Variants in TTC8 observed in about 807,000 individuals in gnomAD.
The protein encoded by TTC8 is tetratricopeptide repeat protein 8.
A neutral mutation model predicts 72.5 loss-of-function variants in TTC8; 47 were observed. The observed-to-expected ratio is 0.65, with a 90% CI of 0.51 to 0.83. TTC8 has a LOEUF of 0.83. Among genes scored for constraint, TTC8 ranks in the 40% least tolerant of loss-of-function variants. TTC8 has a pLI of 0.00. For missense variants in TTC8, 611 were observed against 623.2 expected (o/e 0.98, Z 0.21); for synonymous variants, 199 against 221.4 (o/e 0.90, Z 0.90).
At position 88,843,860 on chromosome 14, in the gene TTC8, G is replaced by A. The variant is rs746842052; in HGVS notation, c.624+10G>A. ...AAATGATGTTAAGACTGTAAGTTTTGAATTCATGCTATTTTCTTTTATTGT... is the reference window on the plus strand; with the variant it reads ...AAATGATGTTAAGACTGTAAGTTTTAAATTCATGCTATTTTCTTTTATTGT... On this transcript the variant is annotated intron_variant, in intron 7 of 14. Coordinates refer to ENST00000380656, the MANE Select transcript of TTC8 (RefSeq NM_144596.4). The A allele has an allele frequency of 1.3e-6, 2 of 1,559,924 alleles. No homozygotes were observed. Among genetic ancestry groups the A allele is most frequent in the East Asian group, 2.3e-5 (1 of 44,164 alleles).
upstream of TTC8, chr14:88,824,597 C>A: frequency 1.2e-6 from 1 of 831,918 alleles, no homozygotes. Context: ...ACCTCTCGGA[C>A]AAGGCCCCAG....
chr14:88,875,117 C>G lies in TTC8; in HGVS notation c.1431+8C>G, dbSNP rs369208932. The G allele has an allele frequency of 3.1e-6, 5 of 1,599,226 alleles. No homozygotes were observed. Among genetic ancestry groups the G allele is most frequent in the African/African-American group, 1.3e-5 (1 of 74,680 alleles). On this transcript the variant is annotated splice_region_variant and intron_variant, in intron 14 of 14. Coordinates refer to ENST00000380656, the MANE Select transcript of TTC8 (RefSeq NM_144596.4). ...GCAACAATCTCTGATAAGGTATTCT[C>G]TTTCTTCATTAATTTATCATCTGAT...
chr14:88,856,371 A>T (rs897474141), intron 8 of TTC8, among the ~76,000 whole-genome samples: 4 of 152,242 alleles, frequency 2.6e-5, no homozygotes, highest in Non-Finnish European at 4.4e-5. Flanking sequence ...TGAAAGTAGC[A>T]CAATGGAGCA....
chr14:88,850,808 C>A (rs1347583171), intron 7 of TTC8, among the ~76,000 whole-genome samples: 1 of 152,230 alleles, frequency 6.6e-6, no homozygotes, highest in East Asian at 1.9e-4. Context: ...TGACCTCGGT[C>A]TGGGGATACA....
chr14:88,834,355 G>A (rs2094740235), intron 2 of TTC8, among the ~76,000 whole-genome samples: 1 of 152,182 alleles, frequency 6.6e-6, no homozygotes, highest in Admixed American at 6.5e-5. Flanking sequence ...TTTAATCCAG[G>A]AGAGTTGCCA....
At chr14:88,826,006 G>A (rs917735301) in intron 1 of TTC8, among the ~76,000 whole-genome samples, 11 of 150,048 alleles carry the variant, frequency 7.3e-5, no homozygotes, top group Admixed American at 6.0e-4. Flanking sequence ...TTTTTGAGAC[G>A]GAGTCTCGCT....
intron 14 of TTC8, among the ~76,000 whole-genome samples, chr14:88,876,432 G>A (rs1028116226): frequency 1.3e-5 from 2 of 151,980 alleles, no homozygotes; most frequent in Admixed American, 6.6e-5. Context: ...TTTTTAGAAC[G>A]TATCCATGAA....
intron 7 of TTC8, among the ~76,000 whole-genome samples, chr14:88,845,330 A>G (rs1397759837): frequency 1.3e-5 from 2 of 152,170 alleles, no homozygotes; most frequent in Non-Finnish European, 2.9e-5. Flanking sequence ...ATAATTAGGG[A>G]AGGAAGTCAG....
rs754959358 is a variant in TTC8, at chr14:88,824,697, C to T, written c.-11C>T. The T allele has an allele frequency of 1.5e-4, 247 of 1,596,624 alleles. No homozygotes were observed. The highest frequency in any genetic ancestry group is 2.0e-4 in the Non-Finnish European group (238 of 1,171,852). On this transcript the variant is annotated 5_prime_UTR_variant, in exon 1 of 15. Coordinates refer to ENST00000380656, the MANE Select transcript of TTC8 (RefSeq NM_144596.4). ...TGGAGCGCTGGGCCTTCGCTGGCCG[C>T]ACCGGCAGCCATGAGCTCGGAGATG...
chr14:88,838,337 AG>A (rs2094762790), intron 2 of TTC8, among the ~76,000 whole-genome samples: 1 of 152,262 alleles, frequency 6.6e-6, no homozygotes, highest in South Asian at 2.1e-4. Context: ...GTATTTAATT[AG>A]GGGGTGCTCA....
At chr14:88,862,857 A>G (rs2141019813) in intron 10 of TTC8, among the ~76,000 whole-genome samples, 1 of 151,544 alleles carries the variant, frequency 6.6e-6, no homozygotes. Flanking sequence ...ATTCTATGAA[A>G]AGTCCCATTG....
chr14:88,829,625 A>T (rs1197895672), intron 1 of TTC8, among the ~76,000 whole-genome samples: 2 of 152,120 alleles, frequency 1.3e-5, no homozygotes, highest in Non-Finnish European at 2.9e-5. Context: ...TGAGGGTGGG[A>T]CCCATTAGCT....
intron 9 of TTC8, among the ~76,000 whole-genome samples, chr14:88,860,674 G>A (rs1024093783): frequency 6.6e-6 from 1 of 152,042 alleles, no homozygotes; most frequent in Non-Finnish European, 1.5e-5. Context: ...CCAGTCTCTG[G>A]CAATAGTAAA....
chr14:88,865,668 CAAAAAT>C (rs2094906404), intron 10 of TTC8, among the ~76,000 whole-genome samples: 1 of 151,658 alleles, frequency 6.6e-6, no homozygotes, highest in Non-Finnish European at 1.5e-5. Context: ...AACTCCATCT[CAAAAAT>C]AAAAATAAAA....
intron 10 of TTC8, among the ~76,000 whole-genome samples, chr14:88,862,554 A>G (rs1477640235): frequency 4.7e-5 from 1 of 21,178 alleles, no homozygotes; most frequent in South Asian, 2.2e-3. Flanking sequence ...ATATATATAT[A>G]TATATATATA....
At chr14:88,869,266 T>C (rs1374576146) in intron 10 of TTC8, among the ~76,000 whole-genome samples, 1 of 152,212 alleles carries the variant, frequency 6.6e-6, no homozygotes, top group Non-Finnish European at 1.5e-5. Flanking sequence ...CATACATTTA[T>C]GATTATCAGT....
chr14:88,840,768 T>C, intron 3 of TTC8, 97 bp from the exon 4 acceptor site: 1 of 1,244,582 alleles, frequency 8.0e-7, no homozygotes, highest in Non-Finnish European at 1.2e-6. Context: ...TAATGTCTTT[T>C]TCACCAGGCC....
At chr14:88,855,216 T>G (rs1245724003) in intron 8 of TTC8, among the ~76,000 whole-genome samples, 1 of 152,242 alleles carries the variant, frequency 6.6e-6, no homozygotes, top group Non-Finnish European at 1.5e-5. Flanking sequence ...TTAAATTTAT[T>G]TGTGAACATG....
intron 9 of TTC8, among the ~76,000 whole-genome samples, chr14:88,859,864 A>C (rs1296031607): frequency 7.0e-6 from 1 of 143,444 alleles, no homozygotes; most frequent in Non-Finnish European, 1.5e-5. Flanking sequence ...AATCATATAT[A>C]ATATAAATAT....
Sources: gnomAD v4.1 joint callset for allele counts (sites outside exome capture counted in the v4.1 genomes callset) on GRCh38, gnomAD v4.1.1 for gene constraint, MANE v1.5 for transcripts, NCBI Gene and HGNC (gene_info 2026-07-23, HGNC 2026-07-21) for gene names.